SGCZ: variants seen among roughly 807,000 people sequenced by gnomAD.
SGCZ encodes the protein zeta-sarcoglycan.
In SGCZ, 40 loss-of-function variants were observed where a neutral mutation model predicts 41.3. The ratio of observed to expected loss-of-function variants is 0.97; its 90% confidence interval spans 0.75 to 1.26. The LOEUF (loss-of-function observed/expected upper bound fraction) is 1.26, where lower values mean the gene tolerates loss of function less well. Among genes scored for constraint, SGCZ ranks in the 50% most tolerant of loss-of-function variants. The pLI is 0.00. For missense variants in SGCZ, 552 were observed against 369.8 expected (o/e 1.49, Z -4.04); for synonymous variants, 206 against 137.5 (o/e 1.50, Z -3.49).
intron 1 of SGCZ, among the ~76,000 whole-genome samples, chr8:14,735,172 C>G (rs1798989999): frequency 6.6e-6 from 1 of 152,020 alleles, no homozygotes; most frequent in African/African-American, 2.4e-5. Flanking sequence ...ATTACTTGAC[C>G]CAAATTATTT....
At chr8:14,765,902 G>A (rs962806364) in intron 1 of SGCZ, among the ~76,000 whole-genome samples, 3 of 151,412 alleles carry the variant, frequency 2.0e-5, no homozygotes, top group Non-Finnish European at 2.9e-5. Flanking sequence ...AGGTTGCCAG[G>A]CACATCATCA....
intron 3 of SGCZ, among the ~76,000 whole-genome samples, chr8:14,293,793 C>A (rs958161377): frequency 6.6e-6 from 1 of 151,758 alleles, no homozygotes; most frequent in Non-Finnish European, 1.5e-5. Context: ...CCCTTTTTAG[C>A]AAAGAGTTGG....
chr8:15,089,869 A>G, intron 1 of SGCZ, among the ~76,000 whole-genome samples: 1 of 152,312 alleles, frequency 6.6e-6, no homozygotes, highest in East Asian at 1.9e-4. Context: ...CTTATTGCTC[A>G]GTTAATACTG....
chr8:15,205,123 C>T (rs1463555719), intron 1 of SGCZ, among the ~76,000 whole-genome samples: 1 of 152,070 alleles, frequency 6.6e-6, no homozygotes, highest in Non-Finnish European at 1.5e-5. Flanking sequence ...GGATTAAAGA[C>T]TTAAATGTAA....
At chr8:14,947,683 T>G (rs1365097023) in intron 1 of SGCZ, among the ~76,000 whole-genome samples, 1 of 152,216 alleles carries the variant, frequency 6.6e-6, no homozygotes, top group Non-Finnish European at 1.5e-5. Flanking sequence ...TTCACTGTGT[T>G]TAATCCATTA....
intron 1 of SGCZ, among the ~76,000 whole-genome samples, chr8:14,946,838 G>C (rs2130829103): frequency 6.6e-6 from 1 of 151,948 alleles, no homozygotes; most frequent in African/African-American, 2.4e-5. Context: ...ACCACGCCCA[G>C]CTAATTTTTG....
At chr8:15,173,078 G>A (rs1471119) in intron 1 of SGCZ, among the ~76,000 whole-genome samples, 113,005 of 152,084 alleles carry the variant, frequency 0.74, 42,475 homozygotes, top group East Asian at 0.79. Flanking sequence ...TGTAGTCTAA[G>A]GGGTTGTGTG....
At chr8:14,397,176 C>T (rs1407202055) in intron 2 of SGCZ, among the ~76,000 whole-genome samples, 1 of 152,010 alleles carries the variant, frequency 6.6e-6, no homozygotes, top group Non-Finnish European at 1.5e-5. Context: ...TTTCACTTCA[C>T]CTTGAGAGAT....
intron 3 of SGCZ, among the ~76,000 whole-genome samples, chr8:14,263,476 G>T (rs1372868649): frequency 6.6e-6 from 1 of 152,080 alleles, no homozygotes; most frequent in Non-Finnish European, 1.5e-5. Context: ...TTGAACCCAG[G>T]AGGCGGATGT....
intron 1 of SGCZ, among the ~76,000 whole-genome samples, chr8:14,801,213 G>C (rs949377968): frequency 6.6e-6 from 1 of 152,138 alleles, no homozygotes; most frequent in Non-Finnish European, 1.5e-5. Flanking sequence ...CACAAACTCA[G>C]TGTATTGAAA....
chr8:14,102,914 T>C (rs548074963), intron 6 of SGCZ, among the ~76,000 whole-genome samples: 2 of 152,306 alleles, frequency 1.3e-5, no homozygotes, highest in Admixed American at 1.3e-4. Flanking sequence ...GTTTAGGATG[T>C]AGATATATGT....
chr8:14,829,287 G>A (rs1346194635), intron 1 of SGCZ, among the ~76,000 whole-genome samples: 2 of 128,760 alleles, frequency 1.6e-5, no homozygotes, highest in East Asian at 2.0e-4. Context: ...AGTTAATAAT[G>A]TTTTTTAAAA....
rs1329748109 is a variant in SGCZ, at chr8:15,180,745, G to T, written c.39+56840C>A. Reference sequence around the variant, plus strand: ...TTAAAAATACAAACAAAATTAGCCGGGCATGGTGGTGGGCGCCTGTAGCCC... The same window carrying T: ...TTAAAAATACAAACAAAATTAGCCGTGCATGGTGGTGGGCGCCTGTAGCCC... On this transcript the variant is annotated intron_variant, in intron 1 of 7. Transcript: ENST00000382080. Among the ~76,000 whole-genome samples the T allele has an allele frequency of 2.0e-5, 3 of 147,188 alleles. No individual in the cohort carries two copies. In the East Asian group the frequency reaches 6.0e-4, roughly 29 times the overall value.
intron 1 of SGCZ, among the ~76,000 whole-genome samples, chr8:14,849,419 C>T (rs1803240511): frequency 6.6e-6 from 1 of 151,488 alleles, no homozygotes; most frequent in South Asian, 2.1e-4. Flanking sequence ...TAACCTAAAG[C>T]CGGAAACAAC....
intron 2 of SGCZ, among the ~76,000 whole-genome samples, chr8:14,463,089 T>A (rs1306104843): frequency 1.3e-5 from 2 of 151,790 alleles, no homozygotes; most frequent in African/African-American, 4.8e-5. Flanking sequence ...TTTTGTGGAA[T>A]CTTTAGGGCT....
At chr8:14,919,660 G>A (rs1222040279) in intron 1 of SGCZ, among the ~76,000 whole-genome samples, 3 of 152,178 alleles carry the variant, frequency 2.0e-5, no homozygotes, top group Non-Finnish European at 4.4e-5. Flanking sequence ...GCTCACGCCT[G>A]TAACCTCAGC....
chr8:14,377,334 C>T (rs1219703017), intron 2 of SGCZ, among the ~76,000 whole-genome samples: 4 of 151,972 alleles, frequency 2.6e-5, no homozygotes, highest in African/African-American at 9.7e-5. Context: ...AGAGGTACCC[C>T]TTGCCACATA....
At chr8:14,239,869 TCCAG>T (rs1798800442) in intron 3 of SGCZ, among the ~76,000 whole-genome samples, 2 of 106,668 alleles carry the variant, frequency 1.9e-5, no homozygotes. Context: ...ACCACTGCAC[TCCAG>T]CCTGGGCGAC....
chr8:14,782,018 T>C (rs1427635854), intron 1 of SGCZ, among the ~76,000 whole-genome samples: 3 of 152,210 alleles, frequency 2.0e-5, no homozygotes, highest in African/African-American at 7.2e-5. Context: ...ATGGACTCTC[T>C]GTACTTGACT....
Sources: allele counts gnomAD v4.1 joint callset (sites outside exome capture counted in the v4.1 genomes callset), GRCh38; gene constraint gnomAD v4.1.1; transcripts MANE v1.5; gene names NCBI Gene and HGNC (gene_info 2026-07-23, HGNC 2026-07-21).